Variants in KATNAL2 observed in about 807,000 individuals in gnomAD.
KATNAL2 encodes the protein katanin p60 ATPase-containing subunit A-like 2.
KATNAL2 carries 52 observed loss-of-function variants against 76.3 expected under a neutral mutation model. The observed-to-expected ratio is 0.68, with a 90% CI of 0.55 to 0.86. The LOEUF (loss-of-function observed/expected upper bound fraction) is 0.86, where lower values mean the gene tolerates loss of function less well. Ranked by LOEUF, KATNAL2 falls within the 40% of genes least tolerant of loss-of-function variation. The pLI is 0.00. For missense variants in KATNAL2, 660 were observed against 668.9 expected, an observed-to-expected ratio of 0.99 and a Z score of 0.15; for synonymous variants, 243 against 244.2, an observed-to-expected ratio of 1.00 and a Z score of 0.05.
At chr18:47,031,015 C>CCT in intron 3 of KATNAL2, among the ~76,000 whole-genome samples, 1 of 22,242 alleles carries the variant, frequency 4.5e-5, no homozygotes, top group African/African-American at 1.1e-4. Context: ...TAGCATCTCC[C>CCT]CCCCCCCCCC....
At chr18:46,945,321 C>G (rs2059356177) in intron 1 of KATNAL2, among the ~76,000 whole-genome samples, 1 of 152,188 alleles carries the variant, frequency 6.6e-6, no homozygotes, top group Admixed American at 6.5e-5. Context: ...TAAGCTTCGC[C>G]TAGGTTAAGT....
At position 46,942,062 on chromosome 18, in the gene KATNAL2, C is replaced by T. The variant is rs566319371; in HGVS notation, c.-509-3995C>T. Among the ~76,000 whole-genome samples, 7 of 152,106 alleles carry T rather than the reference C, an allele frequency of 4.6e-5. No homozygotes were observed. In the East Asian group the frequency reaches 9.7e-4, roughly 21 times the overall value. On this transcript the variant is annotated intron_variant, in intron 1 of 17. Coordinates refer to ENST00000683218, the MANE Select transcript of KATNAL2 (RefSeq NM_001387690.1). ...CAGGGCAGAGCAGGTATCAGGTAAT[C>T]GGAATGAGTCAAGGTGGAGTAGGTA...
In KATNAL2 at chr18:47,075,236, G is replaced by A. The variant is rs774107606; in HGVS notation, c.1009-41G>A. Reference sequence around the variant, plus strand: ...CTCTGGGAGCATCTGAGGACTTTAAGTCTATAAGCTTGAACACTTGCTTGC... The same window carrying A: ...CTCTGGGAGCATCTGAGGACTTTAAATCTATAAGCTTGAACACTTGCTTGC... On this transcript the variant is annotated intron_variant, in intron 13 of 17. Coordinates refer to ENST00000683218, the MANE Select transcript of KATNAL2 (RefSeq NM_001387690.1). The A allele has an allele frequency of 2.7e-6, 4 of 1,495,480 alleles. No homozygotes were observed. In the Admixed American group the frequency reaches 1.0e-4, roughly 37 times the overall value. 92.6% of individuals were successfully genotyped at this position (1,495,480 alleles called of 1,614,324 possible).
chr18:47,084,686 T>C (rs2062688516), intron 15 of KATNAL2, among the ~76,000 whole-genome samples: 3 of 151,340 alleles, frequency 2.0e-5, no homozygotes, highest in Admixed American at 2.0e-4. Flanking sequence ...CTATCTCTAC[T>C]AAAAATACAA....
At chr18:47,033,118 C>T in intron 3 of KATNAL2, 1 of 1,614,134 alleles carries the variant, frequency 6.2e-7, no homozygotes, top group Non-Finnish European at 8.5e-7. Context: ...CTCATTGCTG[C>T]TGCTCAGGCA....
At chr18:47,033,394 G>A (rs1274894385) in intron 3 of KATNAL2, 8 of 1,614,006 alleles carry the variant, frequency 5.0e-6, no homozygotes, top group Non-Finnish European at 5.9e-6. Flanking sequence ...TCGGATATTC[G>A]TTGTCATTAC....
chr18:47,067,188 A>G (rs2061841027), intron 11 of KATNAL2, 69 bp downstream of exon 11: 3 of 703,914 alleles, frequency 4.3e-6, no homozygotes, highest in East Asian at 5.7e-5. Flanking sequence ...ATGTCACACA[A>G]CTATCAGGAA....
In KATNAL2 at chr18:47,053,052, T is replaced by C. The variant is rs1305631398; in HGVS notation, c.289+6T>C. 6 of 1,581,830 alleles carry C rather than the reference T, an allele frequency of 3.8e-6. No homozygotes were observed. Among genetic ancestry groups the C allele is most frequent in the Non-Finnish European group, 5.1e-6 (6 of 1,166,384 alleles). ...CAAAAAGTCATCAGACACAGGTACA[T>C]GCCTATTTTCTAGAGATAAGGCTTT... is the stretch of plus-strand genomic sequence containing the variant. On this transcript the variant is annotated splice_donor_region_variant and intron_variant, in intron 5 of 17. Coordinates refer to ENST00000683218, the MANE Select transcript of KATNAL2 (RefSeq NM_001387690.1).
intron 1 of KATNAL2, among the ~76,000 whole-genome samples, chr18:46,939,691 T>C (rs2059192905): frequency 6.6e-6 from 1 of 152,188 alleles, no homozygotes; most frequent in Admixed American, 6.6e-5. Flanking sequence ...GAGACAGCAT[T>C]CTTTTCCTTG....
chr18:46,940,086 G>A (rs2146617758), intron 1 of KATNAL2, among the ~76,000 whole-genome samples: 1 of 152,286 alleles, frequency 6.6e-6, no homozygotes, highest in Non-Finnish European at 1.5e-5. Flanking sequence ...TTTTGCATAT[G>A]AAGAAACAAA....
At chr18:46,944,852 G>A (rs532429261) in intron 1 of KATNAL2, among the ~76,000 whole-genome samples, 9 of 152,324 alleles carry the variant, frequency 5.9e-5, no homozygotes, top group Non-Finnish European at 8.8e-5. Flanking sequence ...GCTTGAATCC[G>A]GGAGGCGGAG....
rs569488217 is a variant in KATNAL2, at chr18:46,928,125, T to A, written c.-510+10199T>A. On this transcript the variant is annotated intron_variant, in intron 1 of 17. Transcript: ENST00000683218. ...CCATCCAGCTTTGTTCCGTTGCTGG[T>A]GAGGAGCTGCGTTCCTTTGGAGGAG... is the stretch of plus-strand genomic sequence containing the variant. 2.6e-5 allele frequency among the ~76,000 whole-genome samples: 4 copies of A among 152,340 alleles called. No individual in the cohort carries two copies. In the South Asian group the frequency reaches 8.3e-4, roughly 32 times the overall value.
intron 15 of KATNAL2, among the ~76,000 whole-genome samples, chr18:47,082,051 A>G (rs1204438160): frequency 6.6e-6 from 1 of 152,218 alleles, no homozygotes; most frequent in African/African-American, 2.4e-5. Flanking sequence ...TACTCACTTT[A>G]TCCCAATATG....
intron 1 of KATNAL2, among the ~76,000 whole-genome samples, chr18:46,934,843 A>G (rs939309775): frequency 6.6e-5 from 10 of 152,146 alleles, no homozygotes; most frequent in African/African-American, 2.4e-4. Flanking sequence ...TAAGGAAGGG[A>G]TCCAGTTTCA....
intron 8 of KATNAL2, among the ~76,000 whole-genome samples, chr18:47,062,696 G>C (rs766111047): frequency 1.3e-5 from 2 of 152,168 alleles, no homozygotes; most frequent in Non-Finnish European, 2.9e-5. Context: ...ACATATAAGG[G>C]AGGAAGCAGA....
intron 15 of KATNAL2, 186 bp from the exon 16 acceptor site, chr18:47,099,057 G>T: frequency 6.4e-6 from 3 of 466,562 alleles, no homozygotes; most frequent in East Asian, 3.4e-5. Flanking sequence ...CCCTCCCTCA[G>T]TTCTCTTTCT....
intron 6 of KATNAL2, 141 bp downstream of exon 6, chr18:47,054,579 C>A: frequency 1.3e-6 from 1 of 793,072 alleles, no homozygotes; most frequent in Non-Finnish European, 2.1e-6. Context: ...CAGCCCAGGA[C>A]TTCTCTCATT....
chr18:46,922,646 A>G (rs2058603305), intron 1 of KATNAL2, among the ~76,000 whole-genome samples: 3 of 151,754 alleles, frequency 2.0e-5, no homozygotes, highest in Non-Finnish European at 4.4e-5. Context: ...AAAGAAATAA[A>G]ATGAGCCAAG....
chr18:47,049,815 A>G (rs752525253), intron 4 of KATNAL2, among the ~76,000 whole-genome samples: 1 of 152,172 alleles, frequency 6.6e-6, no homozygotes, highest in Non-Finnish European at 1.5e-5. Context: ...CCTGGGTTCA[A>G]GTGATCCTCT....
Sources: allele counts gnomAD v4.1 joint callset (sites outside exome capture counted in the v4.1 genomes callset), GRCh38; gene constraint gnomAD v4.1.1; transcripts MANE v1.5; gene names NCBI Gene and HGNC (gene_info 2026-07-23, HGNC 2026-07-21).